The following FILIP1L variants were observed in gnomAD, a reference collection of about 807,000 sequenced individuals.
FILIP1L encodes the protein filamin A interacting protein 1 like.
FILIP1L carries 55 observed loss-of-function variants against 96.6 expected under a neutral mutation model. That is an observed-to-expected ratio of 0.57 (90% confidence interval 0.46 to 0.71). The LOEUF (loss-of-function observed/expected upper bound fraction) is 0.71. Among genes scored for constraint, FILIP1L ranks in the 30% least tolerant of loss-of-function variants. The probability of loss-of-function intolerance (pLI) is 0.00; values close to 1 mark genes in which losing one functional copy is unlikely to be tolerated. For synonymous variants in FILIP1L, 467 were observed against 473.9 expected (o/e 0.99, Z 0.19); for missense variants, 1,304 against 1,321.2 (o/e 0.99, Z 0.20).
intron 1 of FILIP1L, among the ~76,000 whole-genome samples, chr3:100,011,999 C>G (rs1710170197): frequency 6.6e-6 from 1 of 152,088 alleles, no homozygotes; most frequent in South Asian, 2.1e-4. Context: ...TGATAATTCC[C>G]ATATCAATTA....
intron 1 of FILIP1L, among the ~76,000 whole-genome samples, chr3:100,038,348 A>T (rs909543164): frequency 1.3e-5 from 2 of 152,228 alleles, no homozygotes; most frequent in Non-Finnish European, 2.9e-5. Context: ...ATCCAAAAAA[A>T]ATTGCTTAAC....
intron 1 of FILIP1L, among the ~76,000 whole-genome samples, chr3:100,087,848 T>G (rs868120892): frequency 6.7e-5 from 10 of 148,308 alleles, no homozygotes; most frequent in Middle Eastern, 3.4e-3. Flanking sequence ...TTTTTTTTTT[T>G]TTTTTTGAGT....
intron 1 of FILIP1L, among the ~76,000 whole-genome samples, chr3:99,987,164 A>T (rs958220179): frequency 4.0e-5 from 6 of 151,638 alleles, no homozygotes; most frequent in African/African-American, 1.5e-4. Flanking sequence ...CAGGAGGTTG[A>T]GGCTTCAGTG....
At chr3:99,835,494 C>T (rs904440479) in intron 5 of FILIP1L, among the ~76,000 whole-genome samples, 22 of 152,148 alleles carry the variant, frequency 1.4e-4, no homozygotes, top group Non-Finnish European at 2.9e-5. Flanking sequence ...TTGTTGAGCA[C>T]CTACTATGAG....
chr3:99,948,694 G>T (rs1057086144), intron 1 of FILIP1L, among the ~76,000 whole-genome samples: 6 of 148,250 alleles, frequency 4.0e-5, no homozygotes, highest in African/African-American at 1.5e-4. Flanking sequence ...GAGGAGAAAG[G>T]AGAGAGAAAG....
chr3:99,858,007 T>C (rs1029680218), intron 4 of FILIP1L, among the ~76,000 whole-genome samples: 1 of 152,154 alleles, frequency 6.6e-6, no homozygotes, highest in East Asian at 1.9e-4. Context: ...AAAAAGGAGA[T>C]AGTTCCAGCA....
chr3:99,839,999 T>C (rs1943059606), intron 5 of FILIP1L, among the ~76,000 whole-genome samples: 1 of 152,132 alleles, frequency 6.6e-6, no homozygotes, highest in Non-Finnish European at 1.5e-5. Context: ...TCAGGGAATA[T>C]TTAGCCATGT....
At chr3:99,992,025 T>C (rs1388468358) in intron 1 of FILIP1L, among the ~76,000 whole-genome samples, 9 of 150,702 alleles carry the variant, frequency 6.0e-5, no homozygotes, top group Non-Finnish European at 4.4e-5. Flanking sequence ...TATATATATA[T>C]ACGTGTATAT....
At chr3:99,981,897 G>A (rs769835961) in intron 1 of FILIP1L, among the ~76,000 whole-genome samples, 15 of 152,146 alleles carry the variant, frequency 9.9e-5, no homozygotes, top group Admixed American at 2.0e-4. Context: ...CCAGCAAGGC[G>A]GGAGGATCGC....
In FILIP1L at chr3:99,857,167, T is replaced by C. The variant is rs548550521; in HGVS notation, c.606-6097A>G. Among the ~76,000 whole-genome samples, 4 of 151,386 alleles carry C rather than the reference T, an allele frequency of 2.6e-5. No individual in the cohort carries two copies. In the South Asian group the frequency reaches 6.3e-4, roughly 24 times the overall value. On this transcript the variant is annotated intron_variant, in intron 4 of 5. Coordinates refer to ENST00000477258, the MANE Select transcript of FILIP1L (RefSeq NM_001387850.1). ...AATACTGTAGCACTGTCCTAAGTAG[T>C]TTTATTCACTATTTAAGAGGATGCT... is the stretch of plus-strand genomic sequence containing the variant.
chr3:99,892,241 T>C (rs1427770762), intron 4 of FILIP1L, among the ~76,000 whole-genome samples: 1 of 152,224 alleles, frequency 6.6e-6, no homozygotes, highest in African/African-American at 2.4e-5. Flanking sequence ...TCCAATTTTG[T>C]ATGGAGAACC....
At chr3:100,011,424 A>G (rs1710153376) in intron 1 of FILIP1L, among the ~76,000 whole-genome samples, 3 of 152,188 alleles carry the variant, frequency 2.0e-5, no homozygotes, top group Admixed American at 2.0e-4. Context: ...ATAAAAAGAT[A>G]TAATTTAAAA....
intron 1 of FILIP1L, chr3:100,051,438 G>A (rs2065370915): frequency 6.6e-6 from 1 of 151,608 alleles, no homozygotes; most frequent in Admixed American, 6.6e-5. Flanking sequence ...CATGTGCCAT[G>A]TTGGTGTGCT....
chr3:100,042,700 G>A (rs1274602562), intron 1 of FILIP1L, among the ~76,000 whole-genome samples: 1 of 152,178 alleles, frequency 6.6e-6, no homozygotes, highest in African/African-American at 2.4e-5. Context: ...ATAGAGAACA[G>A]GTTTTTTTTC....
rs369327422 is a variant in FILIP1L at position 99,850,038 on chromosome 3, C to T, written c.1638G>A (p.Ala546=). ...CTTCTACATCGGTTTTGGACTTGAG[C>T]GCCCTTTTAGTTTCCTCAATTAACT... The part of the protein sequence containing the change: ...TEKLIEETKR[A]LKSKTDVEEK... Residue 546 remains alanine, a synonymous_variant, in exon 5 of 6, where the codon GCG becomes GCA. Transcript: ENST00000477258. 8.6e-5 allele frequency: 138 copies of T among 1,609,642 alleles called. No individual in the cohort carries two copies. In the African/African-American group the frequency reaches 1.5e-3, roughly 17 times the overall value.
intron 1 of FILIP1L, among the ~76,000 whole-genome samples, chr3:99,980,473 A>G (rs1709090168): frequency 6.6e-6 from 1 of 152,198 alleles, no homozygotes; most frequent in Admixed American, 6.5e-5. Context: ...TTTTATTTCC[A>G]CAGAAACCAT....
intron 1 of FILIP1L, among the ~76,000 whole-genome samples, chr3:100,007,919 T>TA (rs1185017882): frequency 6.6e-6 from 1 of 152,184 alleles, no homozygotes; most frequent in African/African-American, 2.4e-5. Context: ...TGCATATAGT[T>TA]ACTAGTTTTT....
chr3:99,912,197 A>T (rs1396253158), intron 4 of FILIP1L, among the ~76,000 whole-genome samples: 1 of 152,222 alleles, frequency 6.6e-6, no homozygotes, highest in African/African-American at 2.4e-5. Context: ...ATGTTACAAC[A>T]TGTCTGAACC....
intron 1 of FILIP1L, among the ~76,000 whole-genome samples, chr3:100,031,688 G>A (rs1370054680): frequency 6.6e-6 from 1 of 152,044 alleles, no homozygotes; most frequent in Non-Finnish European, 1.5e-5. Context: ...TTCCTTCTAA[G>A]GCTGAGGATC....
Sources: gnomAD v4.1 joint callset for allele counts (sites outside exome capture counted in the v4.1 genomes callset) on GRCh38, gnomAD v4.1.1 for gene constraint, MANE v1.5 for transcripts, NCBI Gene and HGNC (gene_info 2026-07-23, HGNC 2026-07-21) for gene names.